Variants in NFIX observed in about 807,000 individuals in gnomAD.
NFIX encodes nuclear factor I X, also known as nuclear factor 1 X-type.
In NFIX, 2 loss-of-function variants were observed where a neutral mutation model predicts 53.3. The ratio of observed to expected loss-of-function variants is 0.04; its 90% confidence interval spans 0.02 to 0.12. The LOEUF (loss-of-function observed/expected upper bound fraction) is 0.12, where lower values mean the gene tolerates loss of function less well. NFIX is among the 10% of genes least tolerant of loss of function. The pLI, the probability that NFIX is intolerant of heterozygous loss-of-function variation, is 1.00. For missense variants in NFIX, 310 were observed against 674.5 expected (o/e 0.46, Z 5.99); for synonymous variants, 244 against 289.0 (o/e 0.84, Z 1.58).
intron 1 of NFIX, among the ~76,000 whole-genome samples, chr19:13,016,242 A>G (rs1371077651): frequency 6.6e-6 from 1 of 152,208 alleles, no homozygotes; most frequent in Non-Finnish European, 1.5e-5. Flanking sequence ...AATTTCCTCC[A>G]GCCTGCTTTG....
intron 2 of NFIX, among the ~76,000 whole-genome samples, chr19:13,047,268 G>A (rs1257187092): frequency 6.6e-6 from 1 of 150,602 alleles, no homozygotes. Context: ...ACGCCTTGTT[G>A]CTTTAGATGG....
intron 2 of NFIX, among the ~76,000 whole-genome samples, chr19:13,058,211 C>CA (rs1168180692): frequency 6.6e-6 from 1 of 152,036 alleles, no homozygotes. Flanking sequence ...CACCAGGCTC[C>CA]AGGGGCTAAG....
intron 1 of NFIX, among the ~76,000 whole-genome samples, chr19:13,017,073 C>T (rs1340092641): frequency 6.6e-6 from 1 of 152,182 alleles, no homozygotes; most frequent in Non-Finnish European, 1.5e-5. Flanking sequence ...GGGTCTGTCG[C>T]CCACAGTTTT....
chr19:12,996,927 G>A lies in NFIX; in HGVS notation c.27+1063G>A, dbSNP rs569054890. ...CCTGAGGCTCTAAGAGGGCACAGAAGCTGCCCAGAGTCCCACAGTGGCCCT... is the reference window on the plus strand; with the variant it reads ...CCTGAGGCTCTAAGAGGGCACAGAAACTGCCCAGAGTCCCACAGTGGCCCT... On this transcript the variant is annotated intron_variant, in intron 1 of 10. Transcript: ENST00000592199. The surrounding 1 kb of genome is among the most constrained non-coding windows in gnomAD (Gnocchi z 5.2). 5.9e-5 allele frequency among the ~76,000 whole-genome samples: 9 copies of A among 152,266 alleles called. No homozygotes were observed. In the South Asian group the frequency reaches 1.9e-3, roughly 31 times the overall value.
chr19:13,003,360 C>T (rs2011829411), intron 1 of NFIX, among the ~76,000 whole-genome samples: 1 of 152,192 alleles, frequency 6.6e-6, no homozygotes. Context: ...CGCGCAGTCA[C>T]ACGATCACAT....
chr19:13,072,918 G>C lies in NFIX; in HGVS notation c.560-129G>C. The stretch of plus-strand genomic sequence containing the variant: ...CCTGGGGCTGGTTTGGGGAGAGGGT[G>C]GGGTGAAGGTTTCTGTAGCCAGGGT... On this transcript the variant is annotated intron_variant, in intron 2 of 10. Coordinates refer to ENST00000592199, the MANE Select transcript of NFIX (RefSeq NM_001365902.3). The surrounding 1 kb of genome is among the most constrained non-coding windows in gnomAD (Gnocchi z 4.0). The C allele has an allele frequency of 1.1e-6, 1 of 869,784 alleles. No homozygotes were observed. The highest frequency in any genetic ancestry group is 1.8e-5 in the Admixed American group (1 of 56,668). 53.9% of individuals were successfully genotyped at this position (869,784 alleles called of 1,614,324 possible).
chr19:13,035,001 C>G (rs891583745), intron 2 of NFIX, among the ~76,000 whole-genome samples: 1 of 152,204 alleles, frequency 6.6e-6, no homozygotes, highest in African/African-American at 2.4e-5. Context: ...AGCGGAATCT[C>G]TGGCCTTGAC....
At chr19:13,061,883 A>G (rs536268664) in intron 2 of NFIX, among the ~76,000 whole-genome samples, 27 of 152,336 alleles carry the variant, frequency 1.8e-4, no homozygotes, top group Non-Finnish European at 2.6e-4. Flanking sequence ...CAGGAGAGAC[A>G]CACTGGAGGT....
At chr19:12,995,925 G>T in intron 1 of NFIX, 61 bp downstream of exon 1, 1 of 810,708 alleles carries the variant, frequency 1.2e-6, no homozygotes, top group Non-Finnish European at 1.5e-6. Flanking sequence ...GCCGGCCGGC[G>T]GCGCGGGCGG....
chr19:13,087,890 AGCGCCCGCTCTCAGGAGCGAGCTGGC>A, intron 8 of NFIX, 73 bp from the exon 9 acceptor site: 2 of 1,363,204 alleles, frequency 1.5e-6, no homozygotes, highest in Non-Finnish European at 2.0e-6. Flanking sequence ...TTCCACCGGG[AGCGCCCGCTCTCAGGAGCGAGCTGGC>A]GCGGCCGCGC....
In NFIX at chr19:13,094,835, C is replaced by T; in HGVS notation, c.*186C>T. On this transcript the variant is annotated 3_prime_UTR_variant, in exon 11 of 11. Coordinates refer to ENST00000592199, the MANE Select transcript of NFIX (RefSeq NM_001365902.3). The surrounding 1 kb of genome is among the most constrained non-coding windows in gnomAD (Gnocchi z 4.3). ...GGACCCCCGCGGGCCCCAGAAGCAG[C>T]CCAGTTCTCAGAGAGCCCTTGGAAG... 1.6e-6 allele frequency: 1 copy of T among 614,758 alleles called. No individual in the cohort carries two copies. Among genetic ancestry groups the T allele is most frequent in the Non-Finnish European group, 2.8e-6 (1 of 352,152 alleles). The allele number at this position is 614,758 out of a possible 1,614,324, so 38.1% of individuals were successfully genotyped here. A position where few individuals can be genotyped will look rare whatever the true frequency, so the allele number is the denominator to read the frequency against.
At chr19:13,054,725 C>T (rs1479314484) in intron 2 of NFIX, among the ~76,000 whole-genome samples, 2 of 152,130 alleles carry the variant, frequency 1.3e-5, no homozygotes, top group Non-Finnish European at 2.9e-5. Flanking sequence ...CTGGGTTAGG[C>T]ATACAGGGTG....
rs112478002 is a variant in NFIX at position 13,097,187 on chromosome 19, G to GTT, written c.*2550_*2551dup. ...TTTCCCTTTTTTTTGTTCGTTTTTA[G>GTT]TTTTTTTTTTTTTAAGTCGTTTTCC... On this transcript the variant is annotated 3_prime_UTR_variant, in exon 11 of 11. Transcript: ENST00000592199. The GTT allele has an allele frequency of 0.036, 5,081 of 141,418 alleles. 101 individuals are homozygous for GTT. Among genetic ancestry groups the GTT allele is most frequent in the Middle Eastern group, 0.08 (22 of 274 alleles). 8.8% of individuals were successfully genotyped at this position (141,418 alleles called of 1,614,324 possible).
intron 2 of NFIX, among the ~76,000 whole-genome samples, chr19:13,033,379 G>A (rs1383577812): frequency 1.3e-5 from 2 of 152,010 alleles, no homozygotes; most frequent in Non-Finnish European, 2.9e-5. Flanking sequence ...AAATATTCTG[G>A]GGCTGCCCTT....
chr19:13,000,017 G>A (rs1016496835), intron 1 of NFIX, among the ~76,000 whole-genome samples: 2 of 152,194 alleles, frequency 1.3e-5, no homozygotes, highest in African/African-American at 2.4e-5. Flanking sequence ...GCTCAGAGCC[G>A]AGGGCTCTGC....
chr19:13,023,365 G>T (rs968278923), intron 1 of NFIX, among the ~76,000 whole-genome samples: 2 of 143,312 alleles, frequency 1.4e-5, no homozygotes, highest in Non-Finnish European at 3.0e-5. Context: ...TTTTGCACGC[G>T]TCTGCCAGCA....
intron 2 of NFIX, among the ~76,000 whole-genome samples, chr19:13,059,714 G>T (rs951255340): frequency 1.0e-3 from 152 of 151,648 alleles, no homozygotes; most frequent in Non-Finnish European, 6.2e-4. Flanking sequence ...CAGCAGATGG[G>T]GTGTGCTGCA....
At position 13,067,846 on chromosome 19, in the gene NFIX, C is replaced by G. The variant is rs1466895093; in HGVS notation, c.560-5201C>G. On this transcript the variant is annotated intron_variant, in intron 2 of 10. Transcript: ENST00000592199. The surrounding 1 kb of genome is among the most constrained non-coding windows in gnomAD (Gnocchi z 4.2). ...TGCATCCGGGCACGGTGGCTCACGC[C>G]TGTAATCCCAGCACTTTGGGAGGCT... 6.6e-6 allele frequency among the ~76,000 whole-genome samples: 1 copy of G among 152,100 alleles called. No homozygotes were observed. Among genetic ancestry groups the G allele is most frequent in the Non-Finnish European group, 1.5e-5 (1 of 68,028 alleles).
Position 13,045,547 on chromosome 19 carries a change from C to CA in NFIX, c.559+19996dup, listed in dbSNP as rs1270495028. Among the ~76,000 whole-genome samples the CA allele has an allele frequency of 6.6e-6, 1 of 152,122 alleles. No individual in the cohort carries two copies. The highest frequency in any genetic ancestry group is 2.4e-5 in the African/African-American group (1 of 41,420). ...CTGAGGCCAAGGAAAGGAACGGCAG[C>CA]AGGGCAAGCCAGGCCCAAGGAGGGC... On this transcript the variant is annotated intron_variant, in intron 2 of 10. Transcript: ENST00000592199. The surrounding 1 kb of genome is among the most constrained non-coding windows in gnomAD (Gnocchi z 4.4).
Sources: gnomAD v4.1 joint callset for allele counts (sites outside exome capture counted in the v4.1 genomes callset) on GRCh38, gnomAD v4.1.1 for gene constraint, Gnocchi (gnomAD v3.1) non-coding constraint, MANE v1.5 for transcripts, NCBI Gene and HGNC (gene_info 2026-07-23, HGNC 2026-07-21) for gene names.